The following AUTS2 variants were observed in gnomAD, a reference collection of about 807,000 sequenced individuals.
AUTS2 encodes autism susceptibility gene 2 protein.
Under a neutral mutation model 112.4 loss-of-function variants are expected in AUTS2, and 17 were observed. The ratio of observed to expected loss-of-function variants is 0.15; its 90% CI spans 0.10 to 0.23. The LOEUF is 0.23. AUTS2 is among the 10% of genes least tolerant of loss of function. The pLI is 1.00. For missense variants in AUTS2, 1,510 were observed against 1,701.6 expected, an observed-to-expected ratio of 0.89 and a Z score of 1.98; for synonymous variants, 751 against 702.7, an observed-to-expected ratio of 1.07 and a Z score of -1.09.
chr7:70,244,361 G>T (rs1296296282), intron 4 of AUTS2, among the ~76,000 whole-genome samples: 2 of 152,030 alleles, frequency 1.3e-5, no homozygotes, highest in African/African-American at 4.8e-5. Flanking sequence ...AAGTTAGAGA[G>T]GCATTTATAG....
Position 69,626,112 on chromosome 7 carries a change from A to C in AUTS2, c.309+26150A>C, listed in dbSNP as rs556178108. ...CCTGAGTAGTTGTGACATTAAAAAAAATTGCAGGGAACCTTGTAGCTGCAT... is the reference window on the plus strand; with the variant it reads ...CCTGAGTAGTTGTGACATTAAAAAACATTGCAGGGAACCTTGTAGCTGCAT... On this transcript the variant is annotated intron_variant, in intron 1 of 18. Transcript: ENST00000342771. 2.6e-5 allele frequency among the ~76,000 whole-genome samples: 4 copies of C among 152,308 alleles called. No individual in the cohort carries two copies. The East Asian group carries it at 5.8e-4, about 22-fold the overall frequency.
At chr7:70,145,345 G>A (rs1807072981) in intron 4 of AUTS2, among the ~76,000 whole-genome samples, 2 of 152,028 alleles carry the variant, frequency 1.3e-5, no homozygotes, top group Non-Finnish European at 2.9e-5. Context: ...AGCTGGACAT[G>A]GAGAAGTGTG....
chr7:70,453,800 A>G (rs1445197869), intron 5 of AUTS2, among the ~76,000 whole-genome samples: 2 of 152,184 alleles, frequency 1.3e-5, no homozygotes, highest in Non-Finnish European at 2.9e-5. Context: ...TTTAGGGCCT[A>G]TCCAGATAAT....
chr7:69,634,679 T>C (rs550514269), intron 1 of AUTS2, among the ~76,000 whole-genome samples: 1 of 152,294 alleles, frequency 6.6e-6, no homozygotes, highest in African/African-American at 2.4e-5. Flanking sequence ...TAGGGTAATA[T>C]GTGCTGGCAT....
intron 2 of AUTS2, among the ~76,000 whole-genome samples, chr7:69,918,706 A>G (rs928197118): frequency 6.6e-6 from 1 of 152,222 alleles, no homozygotes; most frequent in African/African-American, 2.4e-5. Context: ...CCACAGTATT[A>G]TAGTTCCCCT....
At chr7:70,004,463 CAGAACTAATAAA>C (rs1799449320) in intron 2 of AUTS2, among the ~76,000 whole-genome samples, 1 of 143,418 alleles carries the variant, frequency 7.0e-6, no homozygotes, top group Non-Finnish European at 1.5e-5. Context: ...CATAGAGATT[CAGAACTAATAAA>C]AGGCAAGTTG....
chr7:70,287,388 C>A (rs1357762323), intron 4 of AUTS2, among the ~76,000 whole-genome samples: 2 of 152,156 alleles, frequency 1.3e-5, no homozygotes, highest in African/African-American at 4.8e-5. Context: ...TATATTTTTA[C>A]ATGCTGTCAG....
intron 4 of AUTS2, among the ~76,000 whole-genome samples, chr7:70,403,376 C>T (rs183161648): frequency 1.3e-5 from 2 of 152,334 alleles, no homozygotes; most frequent in East Asian, 3.9e-4. Flanking sequence ...CATTCCACAC[C>T]TTGGGCCTGA....
chr7:69,622,056 C>G (rs2129092061), intron 1 of AUTS2, among the ~76,000 whole-genome samples: 1 of 152,246 alleles, frequency 6.6e-6, no homozygotes, highest in South Asian at 2.1e-4. Context: ...GTAGAAAGAA[C>G]TGCCTTGATT....
rs755762288 is a variant in AUTS2, at chr7:70,055,856, T to A, written c.523-62276T>A. ...AAGTTTCTTCCTATCTAATTTTTTT[T>A]ATTTTTATTTTTTTTGAAATGGAGT... On this transcript the variant is annotated intron_variant, in intron 2 of 18. Transcript: ENST00000342771. Among the ~76,000 whole-genome samples the A allele has an allele frequency of 8.1e-4, 123 of 152,340 alleles. No individual in the cohort carries two copies. In the Middle Eastern group the frequency reaches 0.01, roughly 13 times the overall value.
At position 70,323,394 on chromosome 7, in the gene AUTS2, C is replaced by A. The variant is rs559413614; in HGVS notation, c.661-112358C>A. Among the ~76,000 whole-genome samples, 51 of 152,240 alleles carry A rather than the reference C, an allele frequency of 3.3e-4. 1 individual carries two copies. Among genetic ancestry groups the A allele is most frequent in the African/African-American group, 1.2e-3 (50 of 41,550 alleles). ...GTGGCCCAGTGTACGCCTTGTCACCCTCATGAAGTGGTATTGGAAGGTTTA... is the reference window on the plus strand; with the variant it reads ...GTGGCCCAGTGTACGCCTTGTCACCATCATGAAGTGGTATTGGAAGGTTTA... On this transcript the variant is annotated intron_variant, in intron 4 of 18. Transcript: ENST00000342771.
At chr7:69,645,075 ATTTT>A (rs34549998) in intron 1 of AUTS2, among the ~76,000 whole-genome samples, 2 of 139,720 alleles carry the variant, frequency 1.4e-5, no homozygotes, top group African/African-American at 2.7e-5. Context: ...CACCCAGTTA[ATTTT>A]TTTTTTTTTT....
At chr7:69,841,578 A>G (rs1333737725) in intron 1 of AUTS2, among the ~76,000 whole-genome samples, 1 of 152,224 alleles carries the variant, frequency 6.6e-6, no homozygotes, top group Non-Finnish European at 1.5e-5. Context: ...AATCCACACC[A>G]GGAAGAAACA....
intron 5 of AUTS2, among the ~76,000 whole-genome samples, chr7:70,584,588 G>A (rs908882110): frequency 6.6e-6 from 1 of 152,248 alleles, no homozygotes; most frequent in African/African-American, 2.4e-5. Flanking sequence ...GGCATCTTGG[G>A]TGGCATGCTG....
intron 5 of AUTS2, among the ~76,000 whole-genome samples, chr7:70,647,796 A>C (rs1806253466): frequency 6.6e-6 from 1 of 152,192 alleles, no homozygotes; most frequent in African/African-American, 2.4e-5. Context: ...TGGTACAAGG[A>C]CTGCATGCGC....
chr7:69,696,163 C>T (rs549867467), intron 1 of AUTS2, among the ~76,000 whole-genome samples: 1 of 152,348 alleles, frequency 6.6e-6, no homozygotes, highest in South Asian at 2.1e-4. Flanking sequence ...AGCAGTTTGA[C>T]ACCTCTAGAA....
Position 70,273,912 on chromosome 7 carries a change from T to C in AUTS2, c.660+139341T>C, listed in dbSNP as rs1787811692. Among the ~76,000 whole-genome samples, 4 of 152,202 alleles carry C rather than the reference T, an allele frequency of 2.6e-5. No individual in the cohort carries two copies. In the South Asian group the frequency reaches 8.3e-4, roughly 31 times the overall value. On this transcript the variant is annotated intron_variant, in intron 4 of 18. Coordinates refer to ENST00000342771, the MANE Select transcript of AUTS2 (RefSeq NM_015570.4). ...TAAGAGAAGATTTTAAAAATATTGCTCCATGTCTGTACTTGAATAAGATTT... is the reference window on the plus strand; with the variant it reads ...TAAGAGAAGATTTTAAAAATATTGCCCCATGTCTGTACTTGAATAAGATTT...
At chr7:69,938,142 T>G (rs1357140909) in intron 2 of AUTS2, among the ~76,000 whole-genome samples, 1 of 152,232 alleles carries the variant, frequency 6.6e-6, no homozygotes, top group Non-Finnish European at 1.5e-5. Flanking sequence ...TGACTGCCCA[T>G]GACCAGCAGT....
chr7:70,730,733 G>A (rs556713438), intron 6 of AUTS2, among the ~76,000 whole-genome samples: 15 of 152,280 alleles, frequency 9.9e-5, no homozygotes, highest in African/African-American at 3.6e-4. Context: ...ACAGGTTTTT[G>A]TGTGGATGTA....
Sources: allele counts gnomAD v4.1 joint callset (sites outside exome capture counted in the v4.1 genomes callset), GRCh38; gene constraint gnomAD v4.1.1; transcripts MANE v1.5; gene names NCBI Gene and HGNC (gene_info 2026-07-23, HGNC 2026-07-21).